Variants in SV2B observed in about 807,000 individuals in gnomAD.
SV2B encodes the protein solute carrier family 22 member B2.
A neutral mutation model predicts 73.9 loss-of-function variants in SV2B; 41 were observed. That is an observed-to-expected ratio of 0.56 (90% CI 0.43 to 0.72). The LOEUF (loss-of-function observed/expected upper bound fraction) is 0.72, where lower values mean the gene tolerates loss of function less well. SV2B is among the 30% of genes least tolerant of loss of function. The pLI, the probability that SV2B is intolerant of heterozygous loss-of-function variation, is 0.00. For missense variants in SV2B, 764 were observed against 857.8 expected, an observed-to-expected ratio of 0.89 and a Z score of 1.37; for synonymous variants, 314 against 314.2, an observed-to-expected ratio of 1.00 and a Z score of 0.01.
rs1567368321 is a variant in SV2B, at chr15:91,229,759, TA to T, written c.451+3048del. On this transcript the variant is annotated intron_variant, in intron 2 of 12. Coordinates refer to ENST00000394232, the MANE Select transcript of SV2B (RefSeq NM_001323032.3). This position sits in a 1 kb window ranked among gnomAD's most constrained non-coding sequence, Gnocchi z 4.3. ...TGTCGATTGTGGTTGTTCTTATTAC[TA>T]AACTGATTGCTTGATAATGACTCAG... Among the ~76,000 whole-genome samples the T allele has an allele frequency of 6.6e-6, 1 of 152,252 alleles. No homozygotes were observed. The highest frequency in any genetic ancestry group is 1.5e-5 in the Non-Finnish European group (1 of 68,046).
At chr15:91,144,787 A>G (rs1165130111) in intron 1 of SV2B, among the ~76,000 whole-genome samples, 2 of 151,922 alleles carry the variant, frequency 1.3e-5, no homozygotes, top group Non-Finnish European at 2.9e-5. Context: ...CCTATTCCTC[A>G]TTTTTAAGTA....
Position 91,225,967 on chromosome 15 carries a change from A to C in SV2B, c.-297A>C. On this transcript the variant is annotated 5_prime_UTR_variant, in exon 2 of 13. Transcript: ENST00000394232. ...AAGAAAAACAGCTGGATCCATTTCT[A>C]ATCAACACTTCCCAACGCAACACTT... The C allele has an allele frequency of 2.5e-6, 1 of 399,904 alleles. No homozygotes were observed. The allele number at this position is 399,904 out of a possible 1,614,324, so 24.8% of individuals were successfully genotyped here.
At chr15:91,147,238 G>A (rs1051339117) in intron 1 of SV2B, among the ~76,000 whole-genome samples, 1 of 152,218 alleles carries the variant, frequency 6.6e-6, no homozygotes, top group Non-Finnish European at 1.5e-5. Flanking sequence ...CAGAGTGTTG[G>A]CTTGCCAGTC....
chr15:91,264,644 C>T (rs2048038832), intron 6 of SV2B, among the ~76,000 whole-genome samples: 1 of 152,068 alleles, frequency 6.6e-6, no homozygotes, highest in Admixed American at 6.5e-5. Context: ...GAGTGGCCTC[C>T]CATTTAGTTA....
intron 9 of SV2B, among the ~76,000 whole-genome samples, chr15:91,277,973 A>C (rs1159883326): frequency 2.0e-5 from 3 of 152,212 alleles, no homozygotes; most frequent in African/African-American, 7.2e-5. Context: ...AGTGTAAGAA[A>C]AGAAAGAGAG....
chr15:91,247,770 G>A (rs1012202611), intron 2 of SV2B, among the ~76,000 whole-genome samples: 3 of 152,108 alleles, frequency 2.0e-5, no homozygotes, highest in African/African-American at 4.8e-5. Context: ...TCCCTCTAGC[G>A]CCCTCTATTG....
intron 1 of SV2B, among the ~76,000 whole-genome samples, chr15:91,190,336 T>G (rs1422204599): frequency 6.6e-6 from 1 of 151,852 alleles, no homozygotes; most frequent in Non-Finnish European, 1.5e-5. Context: ...AGTGTTTTCT[T>G]TTTTTTTCCT....
intron 6 of SV2B, among the ~76,000 whole-genome samples, chr15:91,266,068 G>T (rs2048089809): frequency 6.6e-6 from 1 of 152,198 alleles, no homozygotes; most frequent in African/African-American, 2.4e-5. Context: ...GTTTGAACCT[G>T]GGAGGCAGAG....
chr15:91,155,507 T>A (rs1021958112), intron 1 of SV2B, among the ~76,000 whole-genome samples: 2 of 152,208 alleles, frequency 1.3e-5, no homozygotes, highest in Non-Finnish European at 2.9e-5. Flanking sequence ...TAGATTTTGC[T>A]TCCTGGCCTC....
chr15:91,150,179 T>C (rs116012020), intron 1 of SV2B, among the ~76,000 whole-genome samples: 1,758 of 151,844 alleles, frequency 0.012, 35 homozygotes, highest in African/African-American at 0.041. Context: ...ATTTTTTGTA[T>C]TTTTTTTAGA....
At chr15:91,099,747 C>A (rs1170188232), upstream of SV2B, among the ~76,000 whole-genome samples, 1 of 152,166 alleles carries the variant, frequency 6.6e-6, no homozygotes, top group East Asian at 1.9e-4. Flanking sequence ...CGAACAGCAC[C>A]ATGATCGACG....
In SV2B at chr15:91,242,002, C is replaced by T. The variant is rs1336438215; in HGVS notation, c.452-9817C>T. ...TTTAAGCAGGAGTTAATCCTCGCCT[C>T]TTCAGAAACCTGCTCTTGTCTAGAT... On this transcript the variant is annotated intron_variant, in intron 2 of 12. Transcript: ENST00000394232. This position sits in a 1 kb window ranked among gnomAD's most constrained non-coding sequence, Gnocchi z 4.9. 7.3e-6 allele frequency among the ~76,000 whole-genome samples: 1 copy of T among 136,440 alleles called. No individual in the cohort carries two copies. The highest frequency in any genetic ancestry group is 1.5e-5 in the Non-Finnish European group (1 of 66,022). 89.5% of individuals were successfully genotyped at this position (136,440 alleles called of 152,430 possible).
chr15:91,209,655 A>G (rs2045782581), intron 1 of SV2B, among the ~76,000 whole-genome samples: 1 of 152,212 alleles, frequency 6.6e-6, no homozygotes, highest in Non-Finnish European at 1.5e-5. Flanking sequence ...ACAGCCAGGT[A>G]GAGACCTGGG....
intron 1 of SV2B, among the ~76,000 whole-genome samples, chr15:91,180,067 A>G (rs949165814): frequency 4.7e-5 from 7 of 150,358 alleles, no homozygotes; most frequent in African/African-American, 7.4e-5. Context: ...TTCCTTCAGG[A>G]GCTCTTTTAG....
intron 1 of SV2B, among the ~76,000 whole-genome samples, chr15:91,148,519 G>T (rs1237390753): frequency 2.6e-5 from 4 of 152,136 alleles, no homozygotes; most frequent in Non-Finnish European, 5.9e-5. Flanking sequence ...GGCTTCAAAA[G>T]CAAGTGGTTT....
At chr15:91,182,412 G>A (rs2044615268) in intron 1 of SV2B, among the ~76,000 whole-genome samples, 2 of 152,274 alleles carry the variant, frequency 1.3e-5, no homozygotes. Context: ...TAAAGAAAAG[G>A]TAGCTCAAAA....
rs2049343892 is a variant in SV2B at position 91,299,000 on chromosome 15, A to G, written c.*6448A>G. ...AAAGGCCTATAAAAATAGCTTTCCA[A>G]TTCGCCACCAAAAATGCAAAAATGA... On this transcript the variant is annotated 3_prime_UTR_variant, in exon 13 of 13. Transcript: ENST00000394232. The surrounding 1 kb of genome is among the most constrained non-coding windows in gnomAD (Gnocchi z 5.4). 1 of 152,198 alleles carries G rather than the reference A, an allele frequency of 6.6e-6. No individual in the cohort carries two copies. Among genetic ancestry groups the G allele is most frequent in the Admixed American group, 6.5e-5 (1 of 15,282 alleles). The allele number at this position is 152,198 out of a possible 1,614,324, so 9.4% of individuals were successfully genotyped here. A position where few individuals can be genotyped will look rare whatever the true frequency, so the allele number is the denominator to read the frequency against.
In SV2B at chr15:91,106,985, G is replaced by C. The variant is rs934092935; in HGVS notation, c.-392+6622G>C. Among the ~76,000 whole-genome samples, 2 of 152,158 alleles carry C rather than the reference G, an allele frequency of 1.3e-5. No homozygotes were observed. The highest frequency in any genetic ancestry group is 2.9e-5 in the Non-Finnish European group (2 of 68,036). ...TGGGTGCTGTCCATTTTCTTCTCGTGGTGTGTCTGATTCTATATAAGTTTT... is the reference window on the plus strand; with the variant it reads ...TGGGTGCTGTCCATTTTCTTCTCGTCGTGTGTCTGATTCTATATAAGTTTT... On this transcript the variant is annotated intron_variant, in intron 1 of 12. Transcript: ENST00000394232. The surrounding 1 kb of genome is among the most constrained non-coding windows in gnomAD (Gnocchi z 4.4).
chr15:91,281,708 G>A lies in SV2B; in HGVS notation c.1374-20G>A. The A allele has an allele frequency of 6.4e-7, 1 of 1,570,362 alleles. No individual in the cohort carries two copies. The highest frequency in any genetic ancestry group is 8.7e-7 in the Non-Finnish European group (1 of 1,151,524). On this transcript the variant is annotated intron_variant, in intron 9 of 12. Transcript: ENST00000394232. This position sits in a 1 kb window ranked among gnomAD's most constrained non-coding sequence, Gnocchi z 4.7. ...TTTTTTTCTCAGATGAATCACTCAAGGGTCAACCTCTTCCCACAGGTTCAC... is the reference window on the plus strand; with the variant it reads ...TTTTTTTCTCAGATGAATCACTCAAAGGTCAACCTCTTCCCACAGGTTCAC...
Sources: allele counts gnomAD v4.1 joint callset (sites outside exome capture counted in the v4.1 genomes callset), GRCh38; gene constraint gnomAD v4.1.1; non-coding constraint Gnocchi (gnomAD v3.1); transcripts MANE v1.5; gene names NCBI Gene and HGNC (gene_info 2026-07-23, HGNC 2026-07-21).